The following RPL34 variants were observed in gnomAD, a reference collection of about 807,000 sequenced individuals.
RPL34 encodes the protein ribosomal protein L34.
Under a neutral mutation model 16.3 loss-of-function variants are expected in RPL34, and 2 were observed. The ratio of observed to expected loss-of-function variants is 0.12; its 90% confidence interval spans 0.05 to 0.39. RPL34 has a LOEUF of 0.39. Among genes scored for constraint, RPL34 ranks in the 10% least tolerant of loss-of-function variants. The probability of loss-of-function intolerance (pLI) is 0.99; values close to 1 mark genes in which losing one functional copy is unlikely to be tolerated. For synonymous variants in RPL34, 47 were observed against 48.5 expected (o/e 0.97, Z 0.13); for missense variants, 82 against 148.8 (o/e 0.55, Z 2.33).
chr4:108,622,379 C>A lies in RPL34; in HGVS notation c.166-136C>A, dbSNP rs1725821089. On this transcript the variant is annotated intron_variant, in intron 3 of 4. Coordinates refer to ENST00000394667, the MANE Select transcript of RPL34 (RefSeq NM_001319236.2). ...ACTTTTTAAACCAATCTGAGAAATG[C>A]AGTGAAATGCCTTTCAGATAAATGA... The A allele has an allele frequency of 3.7e-6, 3 of 801,014 alleles. No homozygotes were observed. The East Asian group carries it at 7.8e-5, about 21-fold the overall frequency. 49.6% of individuals were successfully genotyped at this position (801,014 alleles called of 1,614,324 possible). A position where few individuals can be genotyped will look rare whatever the true frequency, so the allele number is the denominator to read the frequency against.
At chr4:108,628,201 G>A (rs1014723192), downstream of RPL34, among the ~76,000 whole-genome samples, 2 of 152,264 alleles carry the variant, frequency 1.3e-5, no homozygotes, top group Admixed American at 1.3e-4. Context: ...AAGCAACCAG[G>A]ATAATAGAAT....
chr4:108,629,289 C>T (rs1370914869), downstream of RPL34, among the ~76,000 whole-genome samples: 1 of 152,192 alleles, frequency 6.6e-6, no homozygotes, highest in Non-Finnish European at 1.5e-5. Context: ...ATTTTAGTAG[C>T]TGCCTGCAGT....
intron 4 of RPL34, among the ~76,000 whole-genome samples, chr4:108,624,081 G>C (rs998990509): frequency 3.3e-5 from 5 of 151,992 alleles, no homozygotes; most frequent in African/African-American, 1.2e-4. Context: ...CCAGTCTTTG[G>C]TTCTAAAACT....
chr4:108,625,251 G>T lies in RPL34; in HGVS notation c.*39G>T. The T allele has an allele frequency of 7.7e-7, 1 of 1,292,368 alleles. No individual in the cohort carries two copies. Among genetic ancestry groups the T allele is most frequent in the Non-Finnish European group, 1.1e-6 (1 of 905,820 alleles). 80.1% of individuals were successfully genotyped at this position (1,292,368 alleles called of 1,614,324 possible). ...TTTTGAGTAATAAAAATGAAAAGAC[G>T]CTGTATGTATGACTTTTTTTTTTTC... On this transcript the variant is annotated 3_prime_UTR_variant, in exon 5 of 5. Transcript: ENST00000394667.
At position 108,625,323 on chromosome 4, in the gene RPL34, G is replaced by C. The variant is rs947352021; in HGVS notation, c.*111G>C. The C allele has an allele frequency of 3.2e-6, 2 of 627,242 alleles. No homozygotes were observed. Among genetic ancestry groups the C allele is most frequent in the African/African-American group, 3.7e-5 (2 of 53,962 alleles). The allele number at this position is 627,242 out of a possible 1,614,324, so 38.9% of individuals were successfully genotyped here. A position where few individuals can be genotyped will look rare whatever the true frequency, so the allele number is the denominator to read the frequency against. On this transcript the variant is annotated 3_prime_UTR_variant, in exon 5 of 5. Transcript: ENST00000394667. ...AGATTTTGTTTCTGTATGGTATTTG[G>C]GGACCCTATAGTTTTTAGCAGATTA...
rs746374671 is a variant in RPL34, at chr4:108,622,089, CTG to C, written c.66-14_66-13del. On this transcript the variant is annotated splice_polypyrimidine_tract_variant and intron_variant, in intron 2 of 4. Transcript: ENST00000394667. ...ACTCTACAAAATGCTGACCTACTGA[CTG>C]TTTCACTTTCTAGGTCCCGAACCCC... 2.5e-6 allele frequency: 4 copies of C among 1,600,820 alleles called. No individual in the cohort carries two copies. Among genetic ancestry groups the C allele is most frequent in the Admixed American group, 1.7e-5 (1 of 60,006 alleles).
Position 108,622,223 on chromosome 4 carries a change from G to C in RPL34, c.165+19G>C, listed in dbSNP as rs764830193. ...TCGAGGGGTAAGTGTACCTTTTACT[G>C]TGTGCAGCCTAACAAGTCTTGAACT... On this transcript the variant is annotated intron_variant, in intron 3 of 4. Transcript: ENST00000394667. 4 of 1,523,472 alleles carry C rather than the reference G, an allele frequency of 2.6e-6. No individual in the cohort carries two copies. In the East Asian group the frequency reaches 9.0e-5, roughly 34 times the overall value. 94.4% of individuals were successfully genotyped at this position (1,523,472 alleles called of 1,614,324 possible).
downstream of RPL34, among the ~76,000 whole-genome samples, chr4:108,627,083 C>G (rs1486989133): frequency 2.6e-5 from 4 of 151,926 alleles, no homozygotes; most frequent in Non-Finnish European, 5.9e-5. Flanking sequence ...ACTAAAAATA[C>G]AAAAAACTAG....
chr4:108,625,222 A>G lies in RPL34; in HGVS notation c.*10A>G. 1.9e-6 allele frequency: 3 copies of G among 1,569,696 alleles called. No individual in the cohort carries two copies. The highest frequency in any genetic ancestry group is 2.6e-6 in the Non-Finnish European group (3 of 1,145,772). ...TCAGAAAGCTAAATAAAAAAATGAAACTTTTTTGAGTAATAAAAATGAAAA... is the reference window on the plus strand; with the variant it reads ...TCAGAAAGCTAAATAAAAAAATGAAGCTTTTTTGAGTAATAAAAATGAAAA... On this transcript the variant is annotated 3_prime_UTR_variant, in exon 5 of 5. Coordinates refer to ENST00000394667, the MANE Select transcript of RPL34 (RefSeq NM_001319236.2).
downstream of RPL34, among the ~76,000 whole-genome samples, chr4:108,629,110 G>A (rs1726104068): frequency 6.6e-6 from 1 of 152,140 alleles, no homozygotes; most frequent in Non-Finnish European, 1.5e-5. Context: ...GAGCCACCAC[G>A]CTGGGCCACT....
chr4:108,622,212 T>A lies in RPL34; in HGVS notation c.165+8T>A. ...CCAGGCAGACTTCGAGGGGTAAGTG[T>A]ACCTTTTACTGTGTGCAGCCTAACA... On this transcript the variant is annotated splice_region_variant and intron_variant, in intron 3 of 4. Coordinates refer to ENST00000394667, the MANE Select transcript of RPL34 (RefSeq NM_001319236.2). The A allele has an allele frequency of 1.3e-6, 2 of 1,579,354 alleles. No individual in the cohort carries two copies. Among genetic ancestry groups the A allele is most frequent in the Non-Finnish European group, 1.7e-6 (2 of 1,153,656 alleles).
intron 4 of RPL34, among the ~76,000 whole-genome samples, chr4:108,624,173 T>G (rs1725899393): frequency 6.6e-6 from 1 of 152,198 alleles, no homozygotes; most frequent in African/African-American, 2.4e-5. Flanking sequence ...TGAATTTAGG[T>G]TTACAGGATA....
intron 4 of RPL34, among the ~76,000 whole-genome samples, chr4:108,624,669 A>G (rs1725924309): frequency 6.6e-6 from 1 of 152,212 alleles, no homozygotes. Flanking sequence ...GGCCGTAAAC[A>G]GGTTCTAAAA....
chr4:108,625,079 A>G, intron 4 of RPL34, 49 bp from the exon 5 acceptor site: 1 of 1,332,304 alleles, frequency 7.5e-7, no homozygotes, highest in South Asian at 1.2e-5. Context: ...CTAAATAAAA[A>G]ATGAAGTTCA....
downstream of RPL34, among the ~76,000 whole-genome samples, chr4:108,625,856 C>T (rs1192055900): frequency 6.6e-6 from 1 of 152,068 alleles, no homozygotes; most frequent in East Asian, 1.9e-4. Flanking sequence ...TCCCTTTGAT[C>T]CTTACTATGG....
chr4:108,622,827 T>TA, intron 4 of RPL34: 2 of 431,374 alleles, frequency 4.6e-6, no homozygotes, highest in Non-Finnish European at 8.2e-6. Context: ...ATGTGGAGAT[T>TA]AAAAGGAACT....
At chr4:108,620,928 C>A (rs569129805) in intron 1 of RPL34, 2 of 152,288 alleles carry the variant, frequency 1.3e-5, no homozygotes, top group South Asian at 2.0e-4. Flanking sequence ...TTTACACCCA[C>A]GTTTTCACAG....
At chr4:108,627,351 C>T (rs1726047753), downstream of RPL34, among the ~76,000 whole-genome samples, 3 of 151,988 alleles carry the variant, frequency 2.0e-5, no homozygotes, top group Non-Finnish European at 4.4e-5. Flanking sequence ...GAGTTGGAGA[C>T]CACCCTGGGC....
intron 3 of RPL34, 56 bp downstream of exon 3, chr4:108,622,260 C>A: frequency 8.0e-7 from 1 of 1,247,800 alleles, no homozygotes; most frequent in Non-Finnish European, 1.2e-6. Context: ...ACTGAGCTTT[C>A]ATCCCTTGAC....
Sources: allele counts gnomAD v4.1 joint callset (sites outside exome capture counted in the v4.1 genomes callset), GRCh38; gene constraint gnomAD v4.1.1; transcripts MANE v1.5; gene names NCBI Gene and HGNC (gene_info 2026-07-23, HGNC 2026-07-21).